HNF1B: variants seen among roughly 807,000 people sequenced by gnomAD.
HNF1B encodes HNF1 homeobox B, also known as hepatocyte nuclear factor 1-beta.
A neutral mutation model predicts 61.7 loss-of-function variants in HNF1B; 8 were observed. The observed-to-expected ratio is 0.13, with a 90% CI of 0.08 to 0.23. The LOEUF is 0.23. Among genes scored for constraint, HNF1B ranks in the 10% least tolerant of loss-of-function variants. The pLI is 1.00. For missense variants in HNF1B, 562 were observed against 714.5 expected, an observed-to-expected ratio of 0.79 and a Z score of 2.43; for synonymous variants, 314 against 287.7, an observed-to-expected ratio of 1.09 and a Z score of -0.93.
At chr17:37,698,899 C>T (rs1805164469) in intron 8 of HNF1B, among the ~76,000 whole-genome samples, 177 bp downstream of exon 8, 1 of 108,008 alleles carries the variant, frequency 9.3e-6, no homozygotes, top group South Asian at 3.1e-4. Flanking sequence ...TAAGCCCTTT[C>T]AGCCTGTGGC....
intron 4 of HNF1B, among the ~76,000 whole-genome samples, chr17:37,725,331 C>G (rs1255157197): frequency 1.3e-5 from 2 of 152,176 alleles, no homozygotes; most frequent in Admixed American, 1.3e-4. Flanking sequence ...TCTCCTGGCC[C>G]CTTTGTGCAG....
intron 1 of HNF1B, among the ~76,000 whole-genome samples, chr17:37,740,340 G>A (rs2147578981): frequency 6.6e-6 from 1 of 152,266 alleles, no homozygotes; most frequent in Admixed American, 6.5e-5. Context: ...CTGGAAAGTG[G>A]GGATGCCTTT....
chr17:37,730,212 G>C (rs1050140270), intron 4 of HNF1B: 3 of 152,822 alleles, frequency 2.0e-5, no homozygotes, highest in African/African-American at 7.2e-5. Flanking sequence ...CTTCAGCTCC[G>C]TGGATCGCTG....
chr17:37,721,779 C>T (rs998399115), intron 4 of HNF1B, among the ~76,000 whole-genome samples: 2 of 151,006 alleles, frequency 1.3e-5, no homozygotes, highest in African/African-American at 2.4e-5. Flanking sequence ...ACTGCAGTGG[C>T]GCCAATGGGC....
intron 8 of HNF1B, among the ~76,000 whole-genome samples, chr17:37,689,025 G>A (rs1306669849): frequency 2.0e-5 from 3 of 151,956 alleles, no homozygotes; most frequent in Admixed American, 2.0e-4. Flanking sequence ...CACACCTGTA[G>A]TCCCAGCTAC....
At chr17:37,704,317 CT>C (rs1229481409) in intron 6 of HNF1B, among the ~76,000 whole-genome samples, 2 of 152,216 alleles carry the variant, frequency 1.3e-5, no homozygotes, top group Admixed American at 6.5e-5. Context: ...CCAAAGCAAG[CT>C]TTTTCTCCTT....
intron 6 of HNF1B, among the ~76,000 whole-genome samples, chr17:37,702,683 T>C (rs2032612127): frequency 2.0e-5 from 3 of 152,218 alleles, no homozygotes; most frequent in Non-Finnish European, 4.4e-5. Context: ...GTGGATGACA[T>C]TTGAAGGCAT....
intron 8 of HNF1B, among the ~76,000 whole-genome samples, chr17:37,691,324 T>A (rs1043826470): frequency 6.6e-6 from 1 of 152,176 alleles, no homozygotes; most frequent in Non-Finnish European, 1.5e-5. Flanking sequence ...GCTCCATTAA[T>A]TAAAAGTCAT....
At chr17:37,722,968 C>G (rs978222988) in intron 4 of HNF1B, among the ~76,000 whole-genome samples, 2 of 152,128 alleles carry the variant, frequency 1.3e-5, no homozygotes, top group Non-Finnish European at 2.9e-5. Flanking sequence ...ATCCCACACC[C>G]CTCTACCTGG....
Position 37,731,770 on chromosome 17 carries a change from C to A in HNF1B, c.870G>T (p.Leu290Phe). The change falls in exon 4 of 9, where the codon TTG becomes TTT. Residue 290 changes from leucine to phenylalanine, a missense_variant. By Grantham distance (22) the Leu-to-Phe change is conservative. Transcript: ENST00000617811. ...AGTTGTAGACACGGACCTCAGTGACCAAGTTGGAGCCCAGGCCGTGGGCTT... is the reference window on the plus strand; with the variant it reads ...AGTTGTAGACACGGACCTCAGTGACAAAGTTGGAGCCCAGGCCGTGGGCTT... ...PSKAHGLGSN[L>F]VTEVRVYNWF... The A allele has an allele frequency of 1.2e-6, 2 of 1,613,684 alleles. No individual in the cohort carries two copies. The highest frequency in any genetic ancestry group is 1.1e-5 in the South Asian group (1 of 91,060).
chr17:37,737,148 C>G (rs574776933), intron 2 of HNF1B, among the ~76,000 whole-genome samples: 1 of 152,276 alleles, frequency 6.6e-6, no homozygotes, highest in Admixed American at 6.5e-5. Flanking sequence ...CTCCCCTCTT[C>G]CTCCTTCTCC....
chr17:37,731,525 C>T (rs779843379), intron 4 of HNF1B, 70 bp downstream of exon 4: 10 of 1,315,556 alleles, frequency 7.6e-6, no homozygotes, highest in Non-Finnish European at 1.1e-5. Context: ...AACCCTTAAA[C>T]CAGATAAGAT....
intron 4 of HNF1B, chr17:37,721,002 G>C: frequency 1.1e-6 from 1 of 951,302 alleles, no homozygotes. Context: ...ACACAAATAG[G>C]AGATGTTGTT....
chr17:37,703,153 A>T (rs535516701), intron 6 of HNF1B, among the ~76,000 whole-genome samples: 11 of 152,142 alleles, frequency 7.2e-5, no homozygotes, highest in Non-Finnish European at 1.2e-4. Flanking sequence ...TCTCATCCTA[A>T]CACTCCATAG....
intron 4 of HNF1B, among the ~76,000 whole-genome samples, chr17:37,728,349 C>T (rs2147531352): frequency 6.6e-6 from 1 of 151,150 alleles, no homozygotes; most frequent in Non-Finnish European, 1.5e-5. Context: ...CTCTGTCACC[C>T]AGGCTAGAGT....
At chr17:37,708,992 A>G (rs2147468999) in intron 5 of HNF1B, among the ~76,000 whole-genome samples, 1 of 152,162 alleles carries the variant, frequency 6.6e-6, no homozygotes, top group Non-Finnish European at 1.5e-5. Flanking sequence ...TGGCCTCTGC[A>G]CCCTGTTGCC....
At chr17:37,733,488 G>A in intron 3 of HNF1B, 69 bp downstream of exon 3, 1 of 1,575,202 alleles carries the variant, frequency 6.3e-7, no homozygotes, top group Non-Finnish European at 8.7e-7. Flanking sequence ...CAATATCCCA[G>A]GACCGAGGGG....
chr17:37,737,123 A>T (rs569775441), intron 2 of HNF1B, among the ~76,000 whole-genome samples: 2 of 152,242 alleles, frequency 1.3e-5, no homozygotes, highest in African/African-American at 4.8e-5. Flanking sequence ...GTAATCATGT[A>T]TCATTTTTTA....
intron 2 of HNF1B, among the ~76,000 whole-genome samples, chr17:37,737,017 T>C (rs1291760874): frequency 1.3e-5 from 2 of 152,244 alleles, no homozygotes; most frequent in Non-Finnish European, 2.9e-5. Context: ...GTAGCCTCTT[T>C]ATAGGCTTGG....
Sources: gnomAD v4.1 joint callset for allele counts (sites outside exome capture counted in the v4.1 genomes callset) on GRCh38, gnomAD v4.1.1 for gene constraint, MANE v1.5 for transcripts, NCBI Gene and HGNC (gene_info 2026-07-23, HGNC 2026-07-21) for gene names.